DNAJC17: variants seen among roughly 807,000 people sequenced by gnomAD.
The protein encoded by DNAJC17 is dnaJ homolog subfamily C member 17.
Under a neutral mutation model 48.1 loss-of-function variants are expected in DNAJC17, and 35 were observed. That is an observed-to-expected ratio of 0.73 (90% CI 0.56 to 0.96). The LOEUF is 0.96. DNAJC17 is among the 50% of genes least tolerant of loss of function. The pLI is 0.00. For synonymous variants in DNAJC17, 117 were observed against 142.7 expected (o/e 0.82, Z 1.28); for missense variants, 355 against 377.1 (o/e 0.94, Z 0.48).
At chr15:40,779,877 A>G in intron 2 of DNAJC17, 51 bp downstream of exon 2, 3 of 1,574,646 alleles carry the variant, frequency 1.9e-6, no homozygotes, top group Non-Finnish European at 2.6e-6. Flanking sequence ...GGGAAACACA[A>G]TGCCCGGGTG....
intron 1 of DNAJC17, among the ~76,000 whole-genome samples, chr15:40,781,959 C>T (rs1483626758): frequency 6.6e-6 from 1 of 151,830 alleles, no homozygotes; most frequent in East Asian, 1.9e-4. Flanking sequence ...TGTGGTGGTG[C>T]ATGCCTGTAG....
Position 40,799,343 on chromosome 15 carries a change from C to CAA in DNAJC17, c.78+8024_78+8025dup, listed in dbSNP as rs757632260. Among the ~76,000 whole-genome samples, 5 of 141,234 alleles carry CAA rather than the reference C, an allele frequency of 3.5e-5. No homozygotes were observed. The East Asian group carries it at 6.3e-4, about 18-fold the overall frequency. The allele number at this position is 141,234 out of a possible 152,430, so 92.7% of individuals were successfully genotyped here. Reference sequence around the variant, plus strand: ...AGGTCCTCAACTTAAGGCTTTCCCACAAAAAAAAAAACCACACCATGCCCT... The same window carrying CAA: ...AGGTCCTCAACTTAAGGCTTTCCCACAAAAAAAAAAAAACCACACCATGCCCT... On this transcript the variant is annotated intron_variant, in intron 1 of 10. Transcript: ENST00000220496.
rs764908089 is a variant in DNAJC17, at chr15:40,770,631, T to C, written c.793-2569A>G. 1 of 1,549,848 alleles carries C rather than the reference T, an allele frequency of 6.5e-7. No homozygotes were observed. The highest frequency in any genetic ancestry group is 1.4e-5 in the African/African-American group (1 of 72,962). ...CACAGCAGGTGGGGACCACGAGGAG[T>C]ACAGCAACCGAGAAGTCATCCGGGA... On this transcript the variant is annotated intron_variant, in intron 10 of 10. Transcript: ENST00000220496. The surrounding 1 kb of genome is among the most constrained non-coding windows in gnomAD (Gnocchi z 5.0).
intron 1 of DNAJC17, among the ~76,000 whole-genome samples, chr15:40,790,043 C>T (rs1310523064): frequency 6.6e-6 from 1 of 151,426 alleles, no homozygotes; most frequent in Admixed American, 6.6e-5. Flanking sequence ...ATGCCACTAA[C>T]TTCAAGGAAA....
At chr15:40,798,065 T>C (rs1010985194) in intron 1 of DNAJC17, among the ~76,000 whole-genome samples, 2 of 152,110 alleles carry the variant, frequency 1.3e-5, no homozygotes, top group African/African-American at 4.8e-5. Context: ...TTACTCACAA[T>C]AGTCAAAAGC....
chr15:40,770,915 A>T lies in DNAJC17; in HGVS notation c.792+2812T>A. On this transcript the variant is annotated intron_variant, in intron 10 of 10. Transcript: ENST00000220496. This position sits in a 1 kb window ranked among gnomAD's most constrained non-coding sequence, Gnocchi z 5.0. ...CCTGCTTCCAGAGGACACCTACCCC[A>T]GACCTCAGTGATCCCTTCCTCTCCT... 2 of 1,551,522 alleles carry T rather than the reference A, an allele frequency of 1.3e-6. No homozygotes were observed. The highest frequency in any genetic ancestry group is 2.4e-5 in the South Asian group (2 of 84,070).
chr15:40,769,024 G>A lies in DNAJC17; in HGVS notation c.793-962C>T, dbSNP rs1889042869. On this transcript the variant is annotated intron_variant, in intron 10 of 10. Coordinates refer to ENST00000220496, the MANE Select transcript of DNAJC17 (RefSeq NM_018163.3). The surrounding 1 kb of genome is among the most constrained non-coding windows in gnomAD (Gnocchi z 4.2). ...AAAATGTGGTGGTCAGTGACCCGGG[G>A]AATAGGAAGGGAGCAGCTAGGGTTG... Among the ~76,000 whole-genome samples the A allele has an allele frequency of 6.6e-6, 1 of 152,244 alleles. No homozygotes were observed. The highest frequency in any genetic ancestry group is 1.5e-5 in the Non-Finnish European group (1 of 68,034).
intron 10 of DNAJC17, chr15:40,771,194 G>GGGTCC: frequency 1.5e-6 from 1 of 688,108 alleles, no homozygotes; most frequent in Non-Finnish European, 2.5e-6. Flanking sequence ...CCTGCTCTCT[G>GGGTCC]GGTCCTGGAC....
chr15:40,773,742 G>A lies in DNAJC17; in HGVS notation c.777C>T (p.His259=). ...GACTCCTCACCTTTGACAGTCCTGA[G>A]TGGCTGCGGCCCACGGCATCCTGGG... ...GQPQDAVGRS[H]SGLSKGSVLS... Residue 259 remains histidine (H), a synonymous_variant, in exon 10 of 11, where the codon CAC becomes CAT. Coordinates refer to ENST00000220496, the MANE Select transcript of DNAJC17 (RefSeq NM_018163.3). 1.2e-6 allele frequency: 2 copies of A among 1,613,828 alleles called. No homozygotes were observed. The highest frequency in any genetic ancestry group is 1.7e-6 in the Non-Finnish European group (2 of 1,179,930).
chr15:40,783,047 G>A (rs1454744193), intron 1 of DNAJC17, among the ~76,000 whole-genome samples: 1 of 151,948 alleles, frequency 6.6e-6, no homozygotes, highest in Non-Finnish European at 1.5e-5. Context: ...TTAAGGGAAA[G>A]GAGGTGCTAG....
chr15:40,789,221 C>A (rs1196265962), intron 1 of DNAJC17, among the ~76,000 whole-genome samples: 1 of 152,182 alleles, frequency 6.6e-6, no homozygotes, highest in Non-Finnish European at 1.5e-5. Context: ...ACACACGGAG[C>A]CTGGCCTGCT....
chr15:40,779,802 C>A, intron 2 of DNAJC17, 126 bp downstream of exon 2: 1 of 1,204,696 alleles, frequency 8.3e-7, no homozygotes, highest in Non-Finnish European at 1.2e-6. Flanking sequence ...AGCCCTGGGA[C>A]CCATTGCCTG....
intron 10 of DNAJC17, chr15:40,771,343 G>A (rs1889135237): frequency 7.6e-6 from 3 of 392,480 alleles, no homozygotes; most frequent in East Asian, 1.1e-4. Flanking sequence ...GGCTCTGTGC[G>A]GCACTACAGG....
chr15:40,797,362 C>T (rs1349959057), intron 1 of DNAJC17, among the ~76,000 whole-genome samples: 2 of 151,998 alleles, frequency 1.3e-5, no homozygotes, highest in African/African-American at 4.8e-5. Flanking sequence ...AGAGCGAGAC[C>T]CTGTTTCATC....
chr15:40,774,393 C>G lies in DNAJC17; in HGVS notation c.644G>C (p.Gly215Ala). The G allele has an allele frequency of 6.2e-7, 1 of 1,614,082 alleles. No individual in the cohort carries two copies. Among genetic ancestry groups the G allele is most frequent in the Non-Finnish European group, 8.5e-7 (1 of 1,180,028 alleles). The change falls in exon 9 of 11, where the codon GGC (glycine) becomes GCC (alanine). Residue 215 changes from glycine to alanine, a missense_variant. This residue lies in a region of DNAJC17 where 68 missense variants were observed against 109.5 expected (regional missense o/e 0.62). Coordinates refer to ENST00000220496, the MANE Select transcript of DNAJC17 (RefSeq NM_018163.3). ...LNLVLSSKKP[G>A]TAVVEFATVK... ...GGTTGCAAACTCCACCACAGCAGTG[C>G]CTGGCTTCTTACTGGAAAGCACCAG... is the stretch of plus-strand genomic sequence containing the variant.
chr15:40,782,362 C>T (rs1040071067), intron 1 of DNAJC17, among the ~76,000 whole-genome samples: 4 of 152,000 alleles, frequency 2.6e-5, no homozygotes, highest in Non-Finnish European at 5.9e-5. Flanking sequence ...TTGAGGCTGC[C>T]GTGAGCTATG....
rs372155262 is a variant in DNAJC17, at chr15:40,798,227, G to A, written c.78+9142C>T. ...CTTGAAAGCATGATGTTAATTAAGC[G>A]AAATAAGCCTGACACAAAAGGACAA... is the stretch of plus-strand genomic sequence containing the variant. On this transcript the variant is annotated intron_variant, in intron 1 of 10. Transcript: ENST00000220496. Among the ~76,000 whole-genome samples the A allele has an allele frequency of 1.6e-4, 24 of 152,268 alleles. No individual in the cohort carries two copies. The East Asian group carries it at 2.5e-3, about 16-fold the overall frequency.
In DNAJC17 at chr15:40,769,767, G is replaced by A. The variant is rs1216852717; in HGVS notation, c.793-1705C>T. Among the ~76,000 whole-genome samples, 1 of 152,232 alleles carries A rather than the reference G, an allele frequency of 6.6e-6. No individual in the cohort carries two copies. The highest frequency in any genetic ancestry group is 1.9e-4 in the East Asian group (1 of 5,194). ...GCTGGGGGCCCAGGGTGGTGGGGCT[G>A]TGATCAGAAAGGAAGCCGCGTGGTG... On this transcript the variant is annotated intron_variant, in intron 10 of 10. Coordinates refer to ENST00000220496, the MANE Select transcript of DNAJC17 (RefSeq NM_018163.3). The surrounding 1 kb of genome is among the most constrained non-coding windows in gnomAD (Gnocchi z 4.2).
intron 1 of DNAJC17, among the ~76,000 whole-genome samples, chr15:40,790,253 G>A (rs527568018): frequency 1.3e-5 from 2 of 152,194 alleles, no homozygotes; most frequent in South Asian, 2.1e-4. Context: ...TGTGGGTCAC[G>A]GAAAAAGTTC....
Sources: gnomAD v4.1 joint callset for allele counts (sites outside exome capture counted in the v4.1 genomes callset) on GRCh38, gnomAD v4.1.1 for gene constraint, gnomAD v4.1.1 regional missense constraint, Gnocchi (gnomAD v3.1) non-coding constraint, MANE v1.5 for transcripts, NCBI Gene and HGNC (gene_info 2026-07-23, HGNC 2026-07-21) for gene names.